TNKS: variants seen among roughly 807,000 people sequenced by gnomAD.
The protein encoded by TNKS is tankyrase.
A neutral mutation model predicts 135.8 loss-of-function variants in TNKS; 72 were observed. That is an observed-to-expected ratio of 0.53 (90% CI 0.44 to 0.64). TNKS has a LOEUF of 0.64. Among genes scored for constraint, TNKS ranks in the 30% least tolerant of loss-of-function variants. The pLI, the probability that TNKS is intolerant of heterozygous loss-of-function variation, is 0.00. For missense variants in TNKS, 1,769 were observed against 1,674.0 expected, an observed-to-expected ratio of 1.06 and a Z score of -0.99; for synonymous variants, 849 against 649.3, an observed-to-expected ratio of 1.31 and a Z score of -4.68.
At chr8:9,740,402 C>T (rs1029827551) in intron 17 of TNKS, among the ~76,000 whole-genome samples, 3 of 152,194 alleles carry the variant, frequency 2.0e-5, no homozygotes, top group African/African-American at 4.8e-5. Flanking sequence ...CCAACCCAAC[C>T]ACCTTGATTA....
At chr8:9,689,444 A>C (rs1460879259) in intron 5 of TNKS, among the ~76,000 whole-genome samples, 1 of 152,212 alleles carries the variant, frequency 6.6e-6, no homozygotes, top group Non-Finnish European at 1.5e-5. Context: ...AAACTGGTAA[A>C]TTTGGAAACA....
At chr8:9,620,981 A>G (rs961660877) in intron 3 of TNKS, among the ~76,000 whole-genome samples, 1 of 152,242 alleles carries the variant, frequency 6.6e-6, no homozygotes, top group Non-Finnish European at 1.5e-5. Flanking sequence ...CTAAGGTCCG[A>G]TTACTGATAA....
At chr8:9,743,949 T>C (rs1218188509) in intron 17 of TNKS, among the ~76,000 whole-genome samples, 1 of 152,198 alleles carries the variant, frequency 6.6e-6, no homozygotes, top group African/African-American at 2.4e-5. Context: ...GAGGTAGCTG[T>C]GAAATTACAT....
chr8:9,557,201 G>C (rs35557473), intron 1 of TNKS: 3,457 of 153,002 alleles, frequency 0.023, 73 homozygotes, highest in African/African-American at 0.061. Context: ...ATATGATGAT[G>C]GAAGAAATAT....
chr8:9,647,661 G>A (rs1800967261), intron 3 of TNKS, among the ~76,000 whole-genome samples: 1 of 152,172 alleles, frequency 6.6e-6, no homozygotes, highest in South Asian at 2.1e-4. Context: ...AAAATCATTT[G>A]TGGGTCTGTC....
intron 3 of TNKS, among the ~76,000 whole-genome samples, chr8:9,621,702 A>G (rs901404287): frequency 6.6e-6 from 1 of 152,202 alleles, no homozygotes; most frequent in African/African-American, 2.4e-5. Flanking sequence ...CTGTCAGACT[A>G]TATGATTATT....
chr8:9,574,255 A>G (rs926604736), intron 1 of TNKS, among the ~76,000 whole-genome samples: 6 of 152,192 alleles, frequency 3.9e-5, no homozygotes, highest in Non-Finnish European at 7.3e-5. Flanking sequence ...GTTGCAGAAA[A>G]GCAGTTCATC....
intron 11 of TNKS, among the ~76,000 whole-genome samples, chr8:9,711,531 TAGTGTAAA>T (rs1406285429): frequency 1.3e-5 from 2 of 152,220 alleles, no homozygotes; most frequent in Non-Finnish European, 2.9e-5. Flanking sequence ...CATGCTTTTA[TAGTGTAAA>T]AAGGTGGTCT....
intron 6 of TNKS, 98 bp downstream of exon 6, chr8:9,704,855 G>A (rs747667917): frequency 2.5e-5 from 21 of 852,922 alleles, no homozygotes; most frequent in Admixed American, 1.1e-4. Context: ...CATTTGTTAC[G>A]GCTTACATAA....
intron 1 of TNKS, among the ~76,000 whole-genome samples, chr8:9,573,568 C>A (rs1314016436): frequency 6.6e-6 from 1 of 152,150 alleles, no homozygotes; most frequent in Non-Finnish European, 1.5e-5. Context: ...AAATTTAACA[C>A]ATAGATGTAT....
intron 5 of TNKS, among the ~76,000 whole-genome samples, chr8:9,702,316 C>G (rs942680818): frequency 2.0e-5 from 3 of 151,616 alleles, no homozygotes; most frequent in Non-Finnish European, 4.4e-5. Context: ...CGTGCACACA[C>G]ACACACACAC....
rs553581571 is a variant in TNKS at position 9,761,521 on chromosome 8, A to G, written c.3159A>G (p.Thr1053=). The change falls in exon 21 of 27, where the codon ACA becomes ACG. Residue 1053 remains threonine (T), a synonymous_variant. Transcript: ENST00000310430. ...AATTTTGTTTCATTTTTCAGATTAC[A>G]CTAGATGTGTTGGCTGATATGGGTC... ...LRDIFETEQI[T]LDVLADMGHE... is the part of the protein sequence containing the mutation. The G allele has an allele frequency of 4.9e-5, 79 of 1,613,244 alleles. 1 individual carries two copies. The South Asian group carries it at 7.8e-4, about 16-fold the overall frequency.
intron 12 of TNKS, among the ~76,000 whole-genome samples, chr8:9,723,788 A>G (rs150076270): frequency 1.3e-5 from 2 of 152,282 alleles, no homozygotes; most frequent in African/African-American, 2.4e-5. Flanking sequence ...AAATAACACT[A>G]TTTCTAGCAC....
intron 20 of TNKS, among the ~76,000 whole-genome samples, chr8:9,757,426 C>G (rs968315141): frequency 2.6e-5 from 4 of 152,212 alleles, no homozygotes; most frequent in African/African-American, 9.6e-5. Flanking sequence ...CCCTCAAATA[C>G]TCTGTATTCT....
intron 2 of TNKS, among the ~76,000 whole-genome samples, chr8:9,605,417 A>G (rs1334369876): frequency 6.6e-6 from 1 of 152,016 alleles, no homozygotes; most frequent in African/African-American, 2.4e-5. Context: ...ATGTTTGACT[A>G]TTATAAATAA....
chr8:9,638,534 A>G (rs756448112), intron 3 of TNKS, among the ~76,000 whole-genome samples: 3 of 152,188 alleles, frequency 2.0e-5, no homozygotes, highest in Non-Finnish European at 2.9e-5. Context: ...ATCCAAGGAG[A>G]TAATCTTGAA....
intron 3 of TNKS, among the ~76,000 whole-genome samples, chr8:9,646,704 T>C (rs1336793084): frequency 6.6e-6 from 1 of 152,174 alleles, no homozygotes; most frequent in Non-Finnish European, 1.5e-5. Flanking sequence ...TTCAGTACCA[T>C]TATCAAGTAA....
At chr8:9,665,075 A>T (rs1221327076) in intron 3 of TNKS, among the ~76,000 whole-genome samples, 1 of 152,190 alleles carries the variant, frequency 6.6e-6, no homozygotes, top group African/African-American at 2.4e-5. Flanking sequence ...GACCTTTCCT[A>T]TACTCACCAC....
chr8:9,688,556 C>T (rs1043373156), intron 5 of TNKS, among the ~76,000 whole-genome samples: 5 of 152,184 alleles, frequency 3.3e-5, no homozygotes, highest in African/African-American at 7.2e-5. Flanking sequence ...TTATTTCTCA[C>T]AGTTCTAAAG....
Sources: allele counts gnomAD v4.1 joint callset (sites outside exome capture counted in the v4.1 genomes callset), GRCh38; gene constraint gnomAD v4.1.1; transcripts MANE v1.5; gene names NCBI Gene and HGNC (gene_info 2026-07-23, HGNC 2026-07-21).